The following MOB3B variants were observed in gnomAD, a reference collection of about 807,000 sequenced individuals.
The protein encoded by MOB3B is MOB kinase activator 3B, also known as MOB kinase activator-like 2B.
A neutral mutation model predicts 18.7 loss-of-function variants in MOB3B; 7 were observed. The ratio of observed to expected loss-of-function variants is 0.37; its 90% confidence interval spans 0.21 to 0.70. The LOEUF (loss-of-function observed/expected upper bound fraction) is 0.70, where lower values mean the gene tolerates loss of function less well. Among genes scored for constraint, MOB3B ranks in the 30% least tolerant of loss-of-function variants. The pLI is 0.52. For synonymous variants in MOB3B, 111 were observed against 99.9 expected (o/e 1.11, Z -0.66); for missense variants, 253 against 281.3 (o/e 0.90, Z 0.72).
intron 2 of MOB3B, among the ~76,000 whole-genome samples, chr9:27,437,026 G>A: frequency 6.6e-6 from 1 of 151,774 alleles, no homozygotes; most frequent in South Asian, 2.1e-4. Flanking sequence ...GGGGGAGTGT[G>A]TTTTGAGAAG....
intron 2 of MOB3B, among the ~76,000 whole-genome samples, chr9:27,368,345 CACAT>C (rs1013002427): frequency 2.5e-5 from 3 of 121,738 alleles, no homozygotes; most frequent in South Asian, 6.1e-4. Context: ...TATATACACA[CACAT>C]ACATACACAC....
At chr9:27,516,212 T>C (rs568215219) in intron 1 of MOB3B, among the ~76,000 whole-genome samples, 4 of 152,202 alleles carry the variant, frequency 2.6e-5, no homozygotes, top group Admixed American at 6.5e-5. Flanking sequence ...TATGAGAGAA[T>C]AAATTTCCAT....
chr9:27,365,639 C>T (rs1821333283), intron 2 of MOB3B, among the ~76,000 whole-genome samples: 1 of 152,162 alleles, frequency 6.6e-6, no homozygotes, highest in South Asian at 2.1e-4. Flanking sequence ...AGACTCAGAA[C>T]ATGCCCTTCT....
At chr9:27,448,558 A>G (rs1822732076) in intron 2 of MOB3B, among the ~76,000 whole-genome samples, 2 of 152,188 alleles carry the variant, frequency 1.3e-5, no homozygotes, top group South Asian at 4.1e-4. Context: ...TGAGAACAGT[A>G]TGGGGGAAAG....
chr9:27,343,082 C>T (rs925716821), intron 3 of MOB3B, among the ~76,000 whole-genome samples: 4 of 151,912 alleles, frequency 2.6e-5, no homozygotes, highest in Admixed American at 6.6e-5. Flanking sequence ...GTTACTGTGT[C>T]GGTGTAGAAA....
chr9:27,480,058 T>TA (rs1313412099), intron 1 of MOB3B, among the ~76,000 whole-genome samples: 2 of 139,382 alleles, frequency 1.4e-5, no homozygotes, highest in African/African-American at 2.7e-5. Flanking sequence ...TACTGTCTCT[T>TA]TAAAAAAAAA....
chr9:27,359,386 G>GT, intron 2 of MOB3B, 150 bp from the exon 3 acceptor site: 2 of 629,500 alleles, frequency 3.2e-6, no homozygotes, highest in South Asian at 3.9e-5. Flanking sequence ...TGTGGGGGGG[G>GT]GGGGTTGGTA....
At chr9:27,488,957 G>A (rs911369447) in intron 1 of MOB3B, among the ~76,000 whole-genome samples, 1 of 152,206 alleles carries the variant, frequency 6.6e-6, no homozygotes, top group African/African-American at 2.4e-5. Flanking sequence ...ACTTATTCTG[G>A]AAGGACTGGT....
At chr9:27,493,483 A>G (rs1819850187) in intron 1 of MOB3B, among the ~76,000 whole-genome samples, 1 of 152,142 alleles carries the variant, frequency 6.6e-6, no homozygotes, top group Non-Finnish European at 1.5e-5. Context: ...TACTAAAAAT[A>G]CAAGAAAATT....
chr9:27,457,377 G>A (rs904484448), intron 1 of MOB3B, among the ~76,000 whole-genome samples: 21 of 152,164 alleles, frequency 1.4e-4, no homozygotes, highest in Non-Finnish European at 3.1e-4. Flanking sequence ...AGCCCAACAC[G>A]GAATCTGTTA....
At chr9:27,524,449 G>A (rs993976972) in intron 1 of MOB3B, 1 of 1,614,064 alleles carries the variant, frequency 6.2e-7, no homozygotes, top group Non-Finnish European at 8.5e-7. Flanking sequence ...GTTCACCTGA[G>A]AAGAGTCACC....
At chr9:27,407,025 G>A (rs1821991162) in intron 2 of MOB3B, among the ~76,000 whole-genome samples, 2 of 152,012 alleles carry the variant, frequency 1.3e-5, no homozygotes, top group South Asian at 4.2e-4. Flanking sequence ...TATTATTAGC[G>A]ACGGGGTTTC....
intron 2 of MOB3B, among the ~76,000 whole-genome samples, chr9:27,368,491 A>C (rs533986348): frequency 6.6e-6 from 1 of 152,268 alleles, no homozygotes; most frequent in Admixed American, 6.5e-5. Flanking sequence ...TTATCTCAGT[A>C]CGTTCCTCAA....
At chr9:27,389,610 G>C (rs1161911300) in intron 2 of MOB3B, among the ~76,000 whole-genome samples, 1 of 151,996 alleles carries the variant, frequency 6.6e-6, no homozygotes, top group South Asian at 2.1e-4. Flanking sequence ...GTTGTATTCT[G>C]TCTTTATTTT....
At chr9:27,383,421 A>C (rs1362364899) in intron 2 of MOB3B, among the ~76,000 whole-genome samples, 1 of 152,228 alleles carries the variant, frequency 6.6e-6, no homozygotes, top group Non-Finnish European at 1.5e-5. Context: ...CAAATAACTT[A>C]TGTGGGTAGG....
At chr9:27,393,296 G>T (rs1485266042) in intron 2 of MOB3B, among the ~76,000 whole-genome samples, 1 of 151,960 alleles carries the variant, frequency 6.6e-6, no homozygotes, top group Non-Finnish European at 1.5e-5. Context: ...ATTTGTAGAG[G>T]GCACAAAAAT....
intron 1 of MOB3B, among the ~76,000 whole-genome samples, chr9:27,468,504 C>G (rs1453672941): frequency 3.3e-5 from 5 of 152,196 alleles, no homozygotes; most frequent in Admixed American, 3.3e-4. Flanking sequence ...AAAGAAGGAG[C>G]AAGAAGGACG....
chr9:27,462,468 T>C (rs1479010341), intron 1 of MOB3B, among the ~76,000 whole-genome samples: 1 of 152,234 alleles, frequency 6.6e-6, no homozygotes, highest in Non-Finnish European at 1.5e-5. Flanking sequence ...TTTTTACTTT[T>C]TAAAGCATGA....
At chr9:27,388,307 A>G (rs1821674589) in intron 2 of MOB3B, among the ~76,000 whole-genome samples, 1 of 152,134 alleles carries the variant, frequency 6.6e-6, no homozygotes, top group African/African-American at 2.4e-5. Context: ...ATTTATTACT[A>G]AGCACTCTCA....
Sources: gnomAD v4.1 joint callset for allele counts (sites outside exome capture counted in the v4.1 genomes callset) on GRCh38, gnomAD v4.1.1 for gene constraint, MANE v1.5 for transcripts, NCBI Gene and HGNC (gene_info 2026-07-23, HGNC 2026-07-21) for gene names.